FAM241A: variants seen among roughly 807,000 people sequenced by gnomAD.
FAM241A encodes uncharacterized protein FAM241A.
Under a neutral mutation model 12.2 loss-of-function variants are expected in FAM241A, and 7 were observed. That is an observed-to-expected ratio of 0.58 (90% CI 0.33 to 1.08). FAM241A has a LOEUF of 1.08. Among genes scored for constraint, FAM241A ranks in the 50% least tolerant of loss-of-function variants. The pLI is 0.04. For synonymous variants in FAM241A, 74 were observed against 68.2 expected, an observed-to-expected ratio of 1.08 and a Z score of -0.42; for missense variants, 161 against 169.7, an observed-to-expected ratio of 0.95 and a Z score of 0.29.
intron 1 of FAM241A, among the ~76,000 whole-genome samples, chr4:112,154,230 T>A (rs1208431175): frequency 1.3e-5 from 2 of 152,130 alleles, no homozygotes; most frequent in East Asian, 3.8e-4. Context: ...TTTGACTACT[T>A]TTTTCCCCTA....
At position 112,186,983 on chromosome 4, in the gene FAM241A, T is replaced by C; in HGVS notation, c.*45T>C. On this transcript the variant is annotated 3_prime_UTR_variant, in exon 2 of 2. Transcript: ENST00000309733. ...GTTTGACATTTGGTAGCCATATATG[T>C]AATTGAAGAAGTTATATATTTCACT... 1 of 1,572,692 alleles carries C rather than the reference T, an allele frequency of 6.4e-7. No individual in the cohort carries two copies. The highest frequency in any genetic ancestry group is 1.2e-5 in the South Asian group (1 of 84,590).
chr4:112,178,134 A>G (rs1723860330), intron 1 of FAM241A, among the ~76,000 whole-genome samples: 1 of 152,138 alleles, frequency 6.6e-6, no homozygotes, highest in African/African-American at 2.4e-5. Context: ...ATATATAAAG[A>G]AATAATTTTA....
At chr4:112,149,452 T>G (rs1162103126) in intron 1 of FAM241A, among the ~76,000 whole-genome samples, 2 of 152,222 alleles carry the variant, frequency 1.3e-5, no homozygotes, top group Non-Finnish European at 2.9e-5. Context: ...ACACCGCACA[T>G]TGAAGTTGCT....
At chr4:112,178,224 T>TA (rs1320520513) in intron 1 of FAM241A, among the ~76,000 whole-genome samples, 2 of 152,190 alleles carry the variant, frequency 1.3e-5, no homozygotes, top group Non-Finnish European at 2.9e-5. Flanking sequence ...GAGAATATGA[T>TA]ATCTTACATG....
chr4:112,171,447 A>G, intron 1 of FAM241A: 1 of 778,418 alleles, frequency 1.3e-6, no homozygotes, highest in Non-Finnish European at 2.3e-6. Context: ...CTGCAGATCT[A>G]AGAGAATGCT....
intron 1 of FAM241A, among the ~76,000 whole-genome samples, chr4:112,157,441 A>G (rs1159267383): frequency 2.0e-5 from 3 of 152,114 alleles, no homozygotes; most frequent in African/African-American, 4.8e-5. Flanking sequence ...TTCTAAATAG[A>G]TAAAGATAAT....
At chr4:112,157,049 A>G (rs868218185) in intron 1 of FAM241A, among the ~76,000 whole-genome samples, 1 of 152,176 alleles carries the variant, frequency 6.6e-6, no homozygotes, top group Non-Finnish European at 1.5e-5. Flanking sequence ...AATTGTGACA[A>G]TGTTAAATTA....
intron 1 of FAM241A, among the ~76,000 whole-genome samples, chr4:112,167,050 C>G (rs1723613134): frequency 1.6e-5 from 2 of 127,188 alleles, no homozygotes; most frequent in Non-Finnish European, 3.3e-5. Flanking sequence ...GGAGGCGGAG[C>G]TTGCAGTGAG....
At chr4:112,151,132 G>A (rs982609970) in intron 1 of FAM241A, among the ~76,000 whole-genome samples, 4 of 152,142 alleles carry the variant, frequency 2.6e-5, no homozygotes, top group Non-Finnish European at 4.4e-5. Context: ...TTGATCATGG[G>A]GGTAGATCCC....
chr4:112,168,125 A>G (rs1270491333), intron 1 of FAM241A, among the ~76,000 whole-genome samples: 3 of 152,236 alleles, frequency 2.0e-5, no homozygotes, highest in East Asian at 3.8e-4. Flanking sequence ...AATTTTCACT[A>G]TATCACCATT....
At chr4:112,172,920 C>G (rs1408461323) in intron 1 of FAM241A, among the ~76,000 whole-genome samples, 1 of 152,128 alleles carries the variant, frequency 6.6e-6, no homozygotes, top group Non-Finnish European at 1.5e-5. Flanking sequence ...CAAGGTCTGG[C>G]CTTGTCACCC....
intron 1 of FAM241A, 24 bp downstream of exon 1, chr4:112,145,757 C>T: frequency 1.3e-5 from 15 of 1,158,562 alleles, no homozygotes; most frequent in Non-Finnish European, 1.6e-5. Context: ...GGGGCGGCGG[C>T]GAAGCGGCCG....
At chr4:112,183,687 A>G (rs2110435215) in intron 1 of FAM241A, among the ~76,000 whole-genome samples, 1 of 152,144 alleles carries the variant, frequency 6.6e-6, no homozygotes, top group Middle Eastern at 3.4e-3. Flanking sequence ...GAAATTGGGA[A>G]GAGTAAAAAA....
At chr4:112,149,882 C>G (rs1025710575) in intron 1 of FAM241A, among the ~76,000 whole-genome samples, 8 of 151,878 alleles carry the variant, frequency 5.3e-5, no homozygotes, top group Non-Finnish European at 1.0e-4. Context: ...AATATTTTCT[C>G]TGCTTGCTAT....
At chr4:112,159,404 C>T (rs555758530) in intron 1 of FAM241A, among the ~76,000 whole-genome samples, 2 of 152,230 alleles carry the variant, frequency 1.3e-5, no homozygotes, top group East Asian at 3.9e-4. Flanking sequence ...TAACTATGGA[C>T]TTATTTCAGT....
intron 1 of FAM241A, among the ~76,000 whole-genome samples, chr4:112,173,465 G>C (rs971660843): frequency 2.0e-5 from 3 of 152,172 alleles, no homozygotes; most frequent in Admixed American, 2.0e-4. Context: ...GAAAAAATGA[G>C]TTAATTACCA....
At chr4:112,167,557 C>G (rs4834235) in intron 1 of FAM241A, among the ~76,000 whole-genome samples, 86,225 of 152,030 alleles carry the variant, frequency 0.57, 26,059 homozygotes, top group East Asian at 0.83. Flanking sequence ...GAGCATTCTA[C>G]TCTAGAGATC....
chr4:112,176,900 A>C (rs1723833281), intron 1 of FAM241A, among the ~76,000 whole-genome samples: 1 of 152,226 alleles, frequency 6.6e-6, no homozygotes, highest in African/African-American at 2.4e-5. Context: ...AAAAGTGATT[A>C]ACGATAGAAC....
chr4:112,166,845 TG>T (rs1723604935), intron 1 of FAM241A, among the ~76,000 whole-genome samples: 1 of 151,966 alleles, frequency 6.6e-6, no homozygotes, highest in Non-Finnish European at 1.5e-5. Context: ...CCGGGCGCGG[TG>T]GCTCACGCCT....
Sources: allele counts gnomAD v4.1 joint callset (sites outside exome capture counted in the v4.1 genomes callset), GRCh38; gene constraint gnomAD v4.1.1; transcripts MANE v1.5; gene names NCBI Gene and HGNC (gene_info 2026-07-23, HGNC 2026-07-21).